XKR3: variants seen among roughly 807,000 people sequenced by gnomAD.
The protein encoded by XKR3 is XK-related protein 3.
In XKR3, 27 loss-of-function variants were observed where a neutral mutation model predicts 40.3. That is an observed-to-expected ratio of 0.67 (90% CI 0.49 to 0.92). The LOEUF (loss-of-function observed/expected upper bound fraction) is 0.92, where lower values mean the gene tolerates loss of function less well. XKR3 is among the 40% of genes least tolerant of loss of function. XKR3 has a pLI of 0.00. For synonymous variants in XKR3, 193 were observed against 195.4 expected (o/e 0.99, Z 0.10); for missense variants, 472 against 537.6 (o/e 0.88, Z 1.21).
At chr22:16,811,810 C>T (rs2060214046) in intron 1 of XKR3, among the ~76,000 whole-genome samples, 1 of 152,076 alleles carries the variant, frequency 6.6e-6, no homozygotes, top group Non-Finnish European at 1.5e-5. Context: ...AGATGGAGAC[C>T]ATCCTGGCTA....
chr22:16,811,526 T>C (rs1413065437), intron 1 of XKR3, among the ~76,000 whole-genome samples: 1 of 152,244 alleles, frequency 6.6e-6, no homozygotes, highest in Non-Finnish European at 1.5e-5. Flanking sequence ...AAAGATTAAG[T>C]AATTTGACTT....
chr22:16,813,954 CT>C (rs1189325915), intron 1 of XKR3, among the ~76,000 whole-genome samples: 1 of 152,138 alleles, frequency 6.6e-6, no homozygotes, highest in African/African-American at 2.4e-5. Context: ...ATTTCCTATG[CT>C]TAGCTCTAGA....
intron 3 of XKR3, among the ~76,000 whole-genome samples, chr22:16,786,463 G>A (rs1267800934): frequency 6.6e-6 from 1 of 152,116 alleles, no homozygotes. Context: ...GACACATCCC[G>A]ACAACAGATG....
chr22:16,783,577 A>G lies in XKR3; in HGVS notation c.*42T>C. ...AAGAGCCTCTTAACAAGTCACATTC[A>G]GCATCTTTACTCATTGTTCTGTGAA... On this transcript the variant is annotated 3_prime_UTR_variant, in exon 4 of 4. Transcript: ENST00000684488. 1.4e-6 allele frequency: 2 copies of G among 1,445,120 alleles called. No individual in the cohort carries two copies. The highest frequency in any genetic ancestry group is 1.8e-6 in the Non-Finnish European group (2 of 1,084,802). 89.5% of individuals were successfully genotyped at this position (1,445,120 alleles called of 1,614,324 possible).
chr22:16,817,810 T>C (rs1326156585), intron 1 of XKR3, among the ~76,000 whole-genome samples: 2 of 152,182 alleles, frequency 1.3e-5, no homozygotes, highest in Non-Finnish European at 2.9e-5. Context: ...TATTTGGTTT[T>C]GCAACTGCTC....
intron 3 of XKR3, among the ~76,000 whole-genome samples, chr22:16,796,469 C>G (rs1255639885): frequency 6.6e-6 from 1 of 152,178 alleles, no homozygotes; most frequent in Non-Finnish European, 1.5e-5. Flanking sequence ...AAAATCTCAG[C>G]AAACTGGATC....
chr22:16,791,661 T>C (rs1314245212), intron 3 of XKR3, among the ~76,000 whole-genome samples: 6 of 141,074 alleles, frequency 4.3e-5, no homozygotes, highest in African/African-American at 1.1e-4. Context: ...AAACATACAA[T>C]GTAACCTGTC....
intron 2 of XKR3, among the ~76,000 whole-genome samples, chr22:16,807,180 T>G (rs990413175): frequency 1.3e-5 from 2 of 152,190 alleles, no homozygotes; most frequent in African/African-American, 4.8e-5. Flanking sequence ...TAAGACAGAT[T>G]AACATAACAA....
At chr22:16,814,962 C>T (rs115077522) in intron 1 of XKR3, among the ~76,000 whole-genome samples, 196 of 151,632 alleles carry the variant, frequency 1.3e-3, no homozygotes, top group African/African-American at 4.6e-3. Flanking sequence ...TGCCCAATTG[C>T]CCCTCATCAA....
At chr22:16,799,392 C>A (rs1211529212) in intron 3 of XKR3, among the ~76,000 whole-genome samples, 2 of 50,116 alleles carry the variant, frequency 4.0e-5, no homozygotes, top group Non-Finnish European at 7.3e-5. Flanking sequence ...CCAGCCTGGG[C>A]GACAAAGTGA....
chr22:16,788,361 G>A (rs1349390105), intron 3 of XKR3, among the ~76,000 whole-genome samples: 12 of 151,622 alleles, frequency 7.9e-5, no homozygotes, highest in African/African-American at 2.9e-4. Flanking sequence ...CCAAACCAAA[G>A]AATTAGAAAA....
chr22:16,806,235 G>A (rs1413068521), intron 2 of XKR3, among the ~76,000 whole-genome samples: 4 of 134,760 alleles, frequency 3.0e-5, no homozygotes, highest in Admixed American at 8.0e-5. Context: ...CTCCAGCCTC[G>A]GTGAAAAAGA....
intron 3 of XKR3, among the ~76,000 whole-genome samples, chr22:16,795,447 G>A (rs1011838239): frequency 1.3e-5 from 2 of 152,178 alleles, no homozygotes; most frequent in Admixed American, 6.5e-5. Context: ...CCTTCATCAA[G>A]AAGTTAGAAA....
chr22:16,817,389 T>C (rs2060238276), intron 1 of XKR3, among the ~76,000 whole-genome samples: 1 of 151,950 alleles, frequency 6.6e-6, no homozygotes, highest in Non-Finnish European at 1.5e-5. Context: ...TTATATCTTG[T>C]ACGTAATATA....
intron 3 of XKR3, among the ~76,000 whole-genome samples, chr22:16,791,708 G>T (rs1340873674): frequency 1.4e-5 from 2 of 146,216 alleles, no homozygotes; most frequent in Non-Finnish European, 3.0e-5. Flanking sequence ...AGGAGGCAGG[G>T]GGGAGAGAGA....
chr22:16,815,830 G>A (rs2041699), intron 1 of XKR3, among the ~76,000 whole-genome samples: 66,163 of 151,534 alleles, frequency 0.44, 14,757 homozygotes, highest in Non-Finnish European at 0.46. Flanking sequence ...TAATTCTGGC[G>A]TATATTGTGA....
At position 16,784,250 on chromosome 22, in the gene XKR3, A is replaced by G. The variant is rs1392476196; in HGVS notation, c.749T>C (p.Val250Ala). The G allele has an allele frequency of 3.1e-6, 5 of 1,614,082 alleles. No homozygotes were observed. The highest frequency in any genetic ancestry group is 1.7e-5 in the Admixed American group (1 of 60,006). ...TGCAATGAAAAATGCCAGAGTCACT[A>G]CACGTGAGATAACCTCCAAAAAACG... is the stretch of plus-strand genomic sequence containing the variant. ...MWRFLEVISR[V>A]VTLAFFIASL... Residue 250 changes from valine (V) to alanine (A), a missense_variant, in exon 4 of 4, where the codon GTA (valine) becomes GCA (alanine). Transcript: ENST00000684488.
intron 3 of XKR3, among the ~76,000 whole-genome samples, chr22:16,786,509 C>T (rs2060091523): frequency 2.0e-5 from 3 of 152,134 alleles, no homozygotes; most frequent in African/African-American, 7.2e-5. Flanking sequence ...AGTCGAGTTC[C>T]AGTCAACATT....
chr22:16,793,515 A>T (rs1328723929), intron 3 of XKR3, among the ~76,000 whole-genome samples: 5 of 152,182 alleles, frequency 3.3e-5, no homozygotes, highest in African/African-American at 1.2e-4. Flanking sequence ...TTAGGTGTAG[A>T]TGCAGGTAAC....
Sources: allele counts gnomAD v4.1 joint callset (sites outside exome capture counted in the v4.1 genomes callset), GRCh38; gene constraint gnomAD v4.1.1; transcripts MANE v1.5; gene names NCBI Gene and HGNC (gene_info 2026-07-23, HGNC 2026-07-21).